The following APOOL variants were observed in gnomAD, a reference collection of about 807,000 sequenced individuals.
APOOL encodes apolipoprotein O like.
APOOL carries 12 observed loss-of-function variants against 23.1 expected under a neutral mutation model. That is an observed-to-expected ratio of 0.52 (90% CI 0.33 to 0.84). APOOL has a LOEUF of 0.84. APOOL is among the 40% of genes least tolerant of loss of function. The pLI is 0.02. For synonymous variants in APOOL, 77 were observed against 69.9 expected, an observed-to-expected ratio of 1.10 and a Z score of -0.51; for missense variants, 212 against 199.6, an observed-to-expected ratio of 1.06 and a Z score of -0.37.
intron 8 of APOOL, among the ~76,000 whole-genome samples, chrX:85,081,227 C>T (rs372828446): frequency 7.1e-4 from 79 of 110,769 alleles, no homozygotes; most frequent in Non-Finnish European, 1.3e-3. Context: ...GCAGTGGTAC[C>T]GGTTGTTCCT....
At chrX:85,078,674 C>T (rs1183989102) in intron 8 of APOOL, among the ~76,000 whole-genome samples, 2 of 111,036 alleles carry the variant, frequency 1.8e-5, no homozygotes, top group Non-Finnish European at 3.8e-5. Context: ...CTATAAATTA[C>T]CTTGGGCAGT....
At chrX:85,020,706 T>G (rs912860940) in intron 1 of APOOL, among the ~76,000 whole-genome samples, 1 of 111,799 alleles carries the variant, frequency 8.9e-6, no homozygotes, top group Non-Finnish European at 1.9e-5. Context: ...AGCACCAGGC[T>G]GGCTCTTGCA....
chrX:85,076,105 C>A (rs1923827689), intron 8 of APOOL, among the ~76,000 whole-genome samples: 1 of 110,329 alleles, frequency 9.1e-6, no homozygotes, highest in African/African-American at 3.3e-5. Context: ...CACTACTGAT[C>A]CCATTCACAA....
intron 2 of APOOL, among the ~76,000 whole-genome samples, chrX:85,050,606 C>T (rs867145944): frequency 2.7e-4 from 17 of 62,115 alleles, no homozygotes; most frequent in African/African-American, 9.1e-4. Flanking sequence ...AATATAAAAG[C>T]AAAAAAAAAA....
In APOOL at chrX:85,016,871, C is replaced by T. The variant is rs139231730; in HGVS notation, c.15+12944C>T. On this transcript the variant is annotated intron_variant, in intron 1 of 8. Coordinates refer to ENST00000373173, the MANE Select transcript of APOOL (RefSeq NM_198450.6). ...TGGGGCAATCACCTGACGTGGTGCT[C>T]TCCCTCTTCTTAGGAGCAGGGTTAT... Among the ~76,000 whole-genome samples, 495 of 112,550 alleles carry T rather than the reference C, an allele frequency of 4.4e-3. 6 individuals are homozygous for T. The highest frequency in any genetic ancestry group is 0.01 in the East Asian group (37 of 3,564).
intron 1 of APOOL, among the ~76,000 whole-genome samples, chrX:85,007,027 T>A (rs1921102771): frequency 9.0e-6 from 1 of 111,403 alleles, no homozygotes; most frequent in Admixed American, 9.6e-5. Context: ...ACCAAGTGAT[T>A]TTGAAGAACG....
At chrX:85,049,464 G>A (rs2840379) in intron 2 of APOOL, among the ~76,000 whole-genome samples, 2,206 of 111,407 alleles carry the variant, frequency 0.02, 26 homozygotes, top group African/African-American at 0.04. Flanking sequence ...ACAAAATTTT[G>A]TTTATAATAG....
intron 1 of APOOL, among the ~76,000 whole-genome samples, chrX:85,031,053 G>A (rs1922020442): frequency 8.9e-6 from 1 of 111,934 alleles, no homozygotes; most frequent in Non-Finnish European, 1.9e-5. Flanking sequence ...ATTTGTGTTG[G>A]AGCCAGATTG....
At chrX:85,046,288 CTA>C in intron 1 of APOOL, 156 bp from the exon 2 acceptor site, 1 of 427,006 alleles carries the variant, frequency 2.3e-6, no homozygotes, top group Non-Finnish European at 4.0e-6. Flanking sequence ...ATTTTATGAA[CTA>C]TGTCTTAAAA....
chrX:85,049,466 T>C (rs1922686337), intron 2 of APOOL, among the ~76,000 whole-genome samples: 1 of 111,541 alleles, frequency 9.0e-6, no homozygotes, highest in Non-Finnish European at 1.9e-5. Flanking sequence ...AAAATTTTGT[T>C]TATAATAGGC....
intron 1 of APOOL, among the ~76,000 whole-genome samples, chrX:85,035,229 A>G (rs557417366): frequency 4.6e-4 from 51 of 111,120 alleles, no homozygotes; most frequent in East Asian, 3.7e-3. Context: ...GCTTATTTTC[A>G]TGTATTTGTT....
intron 8 of APOOL, among the ~76,000 whole-genome samples, chrX:85,084,858 T>A (rs1325006825): frequency 9.0e-6 from 1 of 111,627 alleles, no homozygotes; most frequent in East Asian, 2.8e-4. Context: ...TGGACATTGT[T>A]AAGCAAATTT....
intron 1 of APOOL, chrX:85,046,171 T>C: frequency 4.8e-6 from 1 of 209,011 alleles, no homozygotes; most frequent in Non-Finnish European, 8.6e-6. Flanking sequence ...TACATTGCTA[T>C]ATTATTACAT....
Position 85,092,851 on chromosome X carries a change from A to C in APOOL, c.*5173A>C. 1 of 325,320 alleles carries C rather than the reference A, an allele frequency of 3.1e-6. No homozygotes were observed. The highest frequency in any genetic ancestry group is 4.6e-5 in the East Asian group (1 of 21,905). 26.8% of individuals were successfully genotyped at this position (325,320 alleles called of 1,213,427 possible). A position where few individuals can be genotyped will look rare whatever the true frequency, so the allele number is the denominator to read the frequency against. On this transcript the variant is annotated 3_prime_UTR_variant, in exon 9 of 9. Coordinates refer to ENST00000373173, the MANE Select transcript of APOOL (RefSeq NM_198450.6). ...TCTCATATGTTTCCAAAATACAAGA[A>C]GATCTTGCTTTTATAGTCTTGTAAT...
chrX:85,029,827 G>A (rs769073628), intron 1 of APOOL, among the ~76,000 whole-genome samples: 1 of 112,161 alleles, frequency 8.9e-6, no homozygotes, highest in Non-Finnish European at 1.9e-5. Flanking sequence ...ACTTACTTCT[G>A]CAAGAATGGC....
intron 1 of APOOL, among the ~76,000 whole-genome samples, chrX:85,015,231 A>AT (rs1231324192): frequency 3.6e-5 from 4 of 110,627 alleles, no homozygotes; most frequent in Non-Finnish European, 7.6e-5. Context: ...CATATCCTGT[A>AT]TTTTTTAAAA....
At chrX:85,003,950 A>C in intron 1 of APOOL, 23 bp downstream of exon 1, 2 of 1,211,088 alleles carry the variant, frequency 1.7e-6, no homozygotes, top group East Asian at 3.0e-5. Context: ...CAACTTGCTT[A>C]ATTTCTGTGG....
chrX:85,070,386 C>T (rs1034086862), intron 6 of APOOL, among the ~76,000 whole-genome samples: 12 of 111,379 alleles, frequency 1.1e-4, no homozygotes, highest in Admixed American at 1.9e-4. Context: ...AATTACTCTT[C>T]GCTTTTTATA....
chrX:85,061,092 A>G (rs1923200010), intron 5 of APOOL, among the ~76,000 whole-genome samples: 1 of 111,033 alleles, frequency 9.0e-6, no homozygotes, highest in East Asian at 2.8e-4. Flanking sequence ...TAGCATGAAG[A>G]TTTGTTGAAT....
Sources: allele counts gnomAD v4.1 joint callset (sites outside exome capture counted in the v4.1 genomes callset), GRCh38; gene constraint gnomAD v4.1.1; transcripts MANE v1.5; gene names NCBI Gene and HGNC (gene_info 2026-07-23, HGNC 2026-07-21).